Variants in KIAA2012 observed in about 807,000 individuals in gnomAD.
The protein encoded by KIAA2012 is KIAA2012, also known as uncharacterized protein KIAA2012.
In KIAA2012, 125 loss-of-function variants were observed where a neutral mutation model predicts 150.6. That is an observed-to-expected ratio of 0.83 (90% CI 0.72 to 0.96). The LOEUF is 0.96. Among genes scored for constraint, KIAA2012 ranks in the 40% least tolerant of loss-of-function variants. The pLI is 0.00. For synonymous variants in KIAA2012, 462 were observed against 504.7 expected (o/e 0.92, Z 1.13); for missense variants, 1,219 against 1,354.9 (o/e 0.90, Z 1.57).
intron 15 of KIAA2012, among the ~76,000 whole-genome samples, chr2:202,174,372 A>T (rs562451157): frequency 6.6e-6 from 1 of 152,350 alleles, no homozygotes; most frequent in East Asian, 1.9e-4. Context: ...GAAACCAAAA[A>T]AAGGAAAGAT....
chr2:202,082,571 G>A (rs1464790396), intron 2 of KIAA2012, among the ~76,000 whole-genome samples: 1 of 149,290 alleles, frequency 6.7e-6, no homozygotes, highest in Non-Finnish European at 1.5e-5. Flanking sequence ...ACTCCAGCGT[G>A]GGTGACAGGG....
intron 2 of KIAA2012, among the ~76,000 whole-genome samples, chr2:202,089,873 T>A (rs547714906): frequency 6.6e-6 from 1 of 152,368 alleles, no homozygotes; most frequent in Non-Finnish European, 1.5e-5. Context: ...ATTGTCAATA[T>A]TTATCAAATG....
intron 13 of KIAA2012, among the ~76,000 whole-genome samples, chr2:202,147,781 TCA>T (rs1326955565): frequency 6.6e-6 from 1 of 152,144 alleles, no homozygotes; most frequent in Non-Finnish European, 1.5e-5. Context: ...AACAAGGAAG[TCA>T]CACAGTTTTG....
intron 21 of KIAA2012, among the ~76,000 whole-genome samples, chr2:202,194,854 T>A (rs1041098090): frequency 1.3e-5 from 2 of 152,154 alleles, no homozygotes; most frequent in Non-Finnish European, 2.9e-5. Context: ...CTGCAACCTC[T>A]GCCTCCCAGG....
chr2:202,140,939 A>G (rs1229688583), intron 13 of KIAA2012, among the ~76,000 whole-genome samples: 1 of 151,566 alleles, frequency 6.6e-6, no homozygotes, highest in Non-Finnish European at 1.5e-5. Context: ...AAAGATTTGT[A>G]CTTTTATCAC....
chr2:202,122,770 C>T (rs147676286), intron 11 of KIAA2012, among the ~76,000 whole-genome samples: 372 of 152,334 alleles, frequency 2.4e-3, no homozygotes, highest in African/African-American at 8.3e-3. Context: ...TCCCAAAGTG[C>T]TGGGATTACA....
chr2:202,111,509 CAAAAAAAA>C (rs71025277), intron 10 of KIAA2012, among the ~76,000 whole-genome samples: 2 of 57,628 alleles, frequency 3.5e-5, no homozygotes, highest in Non-Finnish European at 5.8e-5. Context: ...GACTCTGTCT[CAAAAAAAA>C]AAAAAAAAAA....
intron 13 of KIAA2012, among the ~76,000 whole-genome samples, chr2:202,146,352 G>A (rs1168037726): frequency 1.3e-5 from 2 of 152,134 alleles, no homozygotes; most frequent in Non-Finnish European, 2.9e-5. Context: ...AAAAGTAGCA[G>A]CCGGGTGCAG....
chr2:202,155,899 G>C (rs1691516689), intron 14 of KIAA2012, among the ~76,000 whole-genome samples: 1 of 152,148 alleles, frequency 6.6e-6, no homozygotes. Flanking sequence ...TGGCAAGTTG[G>C]CCACCAGCTT....
Position 202,165,286 on chromosome 2 carries a change from A to G in KIAA2012, c.2049A>G (p.Glu683=). The G allele has an allele frequency of 6.5e-7, 1 of 1,550,214 alleles. No individual in the cohort carries two copies. The highest frequency in any genetic ancestry group is 8.7e-7 in the Non-Finnish European group (1 of 1,146,696). The change falls in exon 15 of 24, where the codon GAA becomes GAG. Residue 683 remains glutamate (E), a splice_region_variant and synonymous_variant. Transcript: ENST00000498697. ...TTTGTTGTGTGTTAACCCAATAGGA[A>G]AGTGGAAATGCACTGGACTATCAGG... ...LHIDMTPFLK[E]SGNALDYQEE... is the part of the protein sequence containing the mutation.
intron 10 of KIAA2012, among the ~76,000 whole-genome samples, chr2:202,112,573 G>C (rs1690396298): frequency 6.6e-6 from 1 of 152,124 alleles, no homozygotes; most frequent in Non-Finnish European, 1.5e-5. Context: ...CTGAAGTGGG[G>C]GGCAGTCTTG....
intron 15 of KIAA2012, among the ~76,000 whole-genome samples, chr2:202,171,456 C>T (rs1691891212): frequency 6.6e-6 from 1 of 152,010 alleles, no homozygotes; most frequent in Non-Finnish European, 1.5e-5. Flanking sequence ...GGAGAGGCTT[C>T]TGCCTAGCGC....
intron 19 of KIAA2012, 137 bp downstream of exon 19, chr2:202,190,630 T>G (rs1338988830): frequency 1.4e-6 from 1 of 693,392 alleles, no homozygotes; most frequent in East Asian, 2.8e-5. Context: ...TTGTTCTACT[T>G]TGGTATCTTC....
intron 7 of KIAA2012, among the ~76,000 whole-genome samples, chr2:202,102,257 A>G (rs1313209549): frequency 6.6e-6 from 1 of 152,190 alleles, no homozygotes; most frequent in Non-Finnish European, 1.5e-5. Flanking sequence ...CTGACACACA[A>G]TGATTCTTTT....
chr2:202,167,847 GAAAAT>G (rs1370608115), intron 15 of KIAA2012, among the ~76,000 whole-genome samples: 4 of 151,824 alleles, frequency 2.6e-5, no homozygotes, highest in Non-Finnish European at 4.4e-5. Flanking sequence ...CTGTCTCTAA[GAAAAT>G]AAAATAATAA....
rs558080135 is a variant in KIAA2012, at chr2:202,129,055, G to A, written c.1831+3773G>A. Among the ~76,000 whole-genome samples the A allele has an allele frequency of 1.1e-4, 17 of 151,756 alleles. No individual in the cohort carries two copies. The East Asian group carries it at 2.5e-3, about 23-fold the overall frequency. ...GCAGGGTCGCGGTGGCAGAGGTTGC[G>A]GTAAGCCAAGATCGCACCATTGCAC... is the stretch of plus-strand genomic sequence containing the variant. On this transcript the variant is annotated intron_variant, in intron 12 of 23. Transcript: ENST00000498697.
chr2:202,201,667 T>C (rs1284569019), intron 22 of KIAA2012: 39 of 1,610,438 alleles, frequency 2.4e-5, no homozygotes, highest in Non-Finnish European at 3.2e-5. Flanking sequence ...GACTGGGCCA[T>C]GGGAAGATAC....
At position 202,165,884 on chromosome 2, in the gene KIAA2012, C is replaced by A. The variant is rs144707713; in HGVS notation, c.2119+528C>A. Among the ~76,000 whole-genome samples, 322 of 152,260 alleles carry A rather than the reference C, an allele frequency of 2.1e-3. 4 individuals carry two copies. The highest frequency in any genetic ancestry group is 1.2e-3 in the Non-Finnish European group (85 of 68,028). ...AGCTTGTTGTTTGGGGGATACCAGA[C>A]AACAATATATCATGGTAGCCTGATC... On this transcript the variant is annotated intron_variant, in intron 15 of 23. Coordinates refer to ENST00000498697, the MANE Select transcript of KIAA2012 (RefSeq NM_001277372.4).
chr2:202,184,167 C>T (rs560635957), intron 15 of KIAA2012, among the ~76,000 whole-genome samples: 2 of 152,058 alleles, frequency 1.3e-5, no homozygotes, highest in Admixed American at 6.6e-5. Flanking sequence ...GGGTGGATCA[C>T]GAGGTCAGGA....
Sources: allele counts gnomAD v4.1 joint callset (sites outside exome capture counted in the v4.1 genomes callset), GRCh38; gene constraint gnomAD v4.1.1; transcripts MANE v1.5; gene names NCBI Gene and HGNC (gene_info 2026-07-23, HGNC 2026-07-21).